Variants in NPSR1 observed in about 807,000 individuals in gnomAD.
NPSR1 encodes the protein neuropeptide S receptor 1, also known as neuropeptide S receptor.
In NPSR1, 48 loss-of-function variants were observed where a neutral mutation model predicts 46.9. That is an observed-to-expected ratio of 1.02 (90% CI 0.81 to 1.30). The LOEUF (loss-of-function observed/expected upper bound fraction) is 1.30. NPSR1 is among the 50% of genes most tolerant of loss of function. NPSR1 has a pLI of 0.00. For synonymous variants in NPSR1, 176 were observed against 168.1 expected, an observed-to-expected ratio of 1.05 and a Z score of -0.36; for missense variants, 450 against 449.5, an observed-to-expected ratio of 1.00 and a Z score of -0.01.
At chr7:34,705,435 A>C (rs1188069892) in intron 2 of NPSR1, among the ~76,000 whole-genome samples, 2 of 51,266 alleles carry the variant, frequency 3.9e-5, no homozygotes, top group South Asian at 4.3e-4. Flanking sequence ...ACTCCATATC[A>C]AAAAAAAAAA....
At chr7:34,663,177 C>T (rs986469310) in intron 1 of NPSR1, among the ~76,000 whole-genome samples, 5 of 151,818 alleles carry the variant, frequency 3.3e-5, no homozygotes, top group African/African-American at 1.2e-4. Context: ...TCAGCTGAAA[C>T]AAGACCTGTC....
At chr7:34,751,421 C>T (rs1785520168) in intron 2 of NPSR1, 6 of 1,044,714 alleles carry the variant, frequency 5.7e-6, no homozygotes, top group Non-Finnish European at 6.1e-6. Flanking sequence ...GGAACAAAGG[C>T]AGCCAGTGTC....
At chr7:34,771,000 G>T (rs1786657657) in intron 2 of NPSR1, among the ~76,000 whole-genome samples, 1 of 152,154 alleles carries the variant, frequency 6.6e-6, no homozygotes, top group Non-Finnish European at 1.5e-5. Context: ...CTTCCCATTA[G>T]GCCCCACTGT....
At chr7:34,866,261 G>A (rs932445825) in intron 8 of NPSR1, among the ~76,000 whole-genome samples, 2 of 151,616 alleles carry the variant, frequency 1.3e-5, no homozygotes, top group African/African-American at 4.9e-5. Context: ...GAAACCCAAA[G>A]TTCATGATGT....
intron 2 of NPSR1, among the ~76,000 whole-genome samples, chr7:34,698,915 G>A (rs1793678355): frequency 6.6e-6 from 1 of 151,948 alleles, no homozygotes; most frequent in Non-Finnish European, 1.5e-5. Flanking sequence ...ATAACAGTGA[G>A]AACAAAAATA....
chr7:34,662,883 C>T (rs1791526011), intron 1 of NPSR1, among the ~76,000 whole-genome samples: 2 of 152,160 alleles, frequency 1.3e-5, no homozygotes, highest in African/African-American at 4.8e-5. Flanking sequence ...AGCTAAATTT[C>T]TCTTTGCATT....
At position 34,750,678 on chromosome 7, in the gene NPSR1, A is replaced by G. The variant is rs983819520; in HGVS notation, c.281-27784A>G. On this transcript the variant is annotated intron_variant, in intron 2 of 8. Coordinates refer to ENST00000360581, the MANE Select transcript of NPSR1 (RefSeq NM_207172.2). Reference sequence around the variant, plus strand: ...CCCATAACTGACAAAAAAGAACTGAAGATGGACTCATCTGACAGTTTATCT... The same window carrying G: ...CCCATAACTGACAAAAAAGAACTGAGGATGGACTCATCTGACAGTTTATCT... 3 of 703,344 alleles carry G rather than the reference A, an allele frequency of 4.3e-6. No individual in the cohort carries two copies. The African/African-American group carries it at 5.3e-5, about 12-fold the overall frequency. 43.6% of individuals were successfully genotyped at this position (703,344 alleles called of 1,614,324 possible).
At chr7:34,739,204 A>C (rs748578479) in intron 2 of NPSR1, among the ~76,000 whole-genome samples, 1 of 152,230 alleles carries the variant, frequency 6.6e-6, no homozygotes, top group Non-Finnish European at 1.5e-5. Context: ...ATTAACAATC[A>C]GACATAAATA....
intron 4 of NPSR1, among the ~76,000 whole-genome samples, chr7:34,822,253 G>T (rs1304193342): frequency 6.6e-6 from 1 of 152,132 alleles, no homozygotes; most frequent in Non-Finnish European, 1.5e-5. Flanking sequence ...TGAGAGGCAG[G>T]GTTCGGAGTT....
intron 2 of NPSR1, among the ~76,000 whole-genome samples, chr7:34,744,567 T>G (rs1215470219): frequency 1.3e-5 from 2 of 152,214 alleles, no homozygotes; most frequent in Admixed American, 6.5e-5. Context: ...GACTTCCTTC[T>G]AGTGTTACCC....
At chr7:34,829,889 C>T (rs932392703) in intron 5 of NPSR1, among the ~76,000 whole-genome samples, 8 of 152,200 alleles carry the variant, frequency 5.3e-5, no homozygotes, top group South Asian at 2.1e-4. Flanking sequence ...GCTTCCAGCC[C>T]GTGACGGTCA....
chr7:34,752,956 A>C (rs1388166590), intron 2 of NPSR1, among the ~76,000 whole-genome samples: 1 of 152,182 alleles, frequency 6.6e-6, no homozygotes, highest in African/African-American at 2.4e-5. Flanking sequence ...ATCGTGCAAC[A>C]CTGTATTTTA....
intron 8 of NPSR1, among the ~76,000 whole-genome samples, chr7:34,870,096 C>T (rs771862375): frequency 5.3e-5 from 8 of 151,980 alleles, no homozygotes; most frequent in South Asian, 2.1e-4. Context: ...TGAATACCTA[C>T]CTTCAAGACT....
intron 1 of NPSR1, among the ~76,000 whole-genome samples, chr7:34,681,837 G>A (rs1487681434): frequency 5.9e-5 from 9 of 152,010 alleles, no homozygotes; most frequent in African/African-American, 2.2e-4. Context: ...GAGAGAGAGA[G>A]TAATTCACCT....
At chr7:34,831,331 A>G (rs1790108386) in intron 5 of NPSR1, among the ~76,000 whole-genome samples, 1 of 151,906 alleles carries the variant, frequency 6.6e-6, no homozygotes, top group Non-Finnish European at 1.5e-5. Context: ...ACACACACAC[A>G]CACACACACA....
chr7:34,860,945 C>T (rs779322508), intron 8 of NPSR1, among the ~76,000 whole-genome samples: 3 of 151,826 alleles, frequency 2.0e-5, no homozygotes, highest in East Asian at 1.9e-4. Flanking sequence ...AATAGACAGC[C>T]GTTGCTGTAA....
At chr7:34,785,966 A>G (rs1787448953) in intron 3 of NPSR1, among the ~76,000 whole-genome samples, 2 of 152,142 alleles carry the variant, frequency 1.3e-5, no homozygotes, top group Admixed American at 6.6e-5. Flanking sequence ...GATGTTGATG[A>G]CTGCTGACTT....
chr7:34,874,595 A>T (rs1791534398), intron 8 of NPSR1, among the ~76,000 whole-genome samples: 1 of 152,222 alleles, frequency 6.6e-6, no homozygotes, highest in South Asian at 2.1e-4. Context: ...AAACCGTGAG[A>T]CCATCTTGTC....
chr7:34,735,465 A>G (rs1784626002), intron 2 of NPSR1, among the ~76,000 whole-genome samples: 1 of 152,212 alleles, frequency 6.6e-6, no homozygotes, highest in Non-Finnish European at 1.5e-5. Context: ...TTAATAAATG[A>G]ATACATCAAT....
Sources: gnomAD v4.1 joint callset for allele counts (sites outside exome capture counted in the v4.1 genomes callset) on GRCh38, gnomAD v4.1.1 for gene constraint, MANE v1.5 for transcripts, NCBI Gene and HGNC (gene_info 2026-07-23, HGNC 2026-07-21) for gene names.